Variants in CGN observed in about 807,000 individuals in gnomAD.
CGN encodes cingulin.
Under a neutral mutation model 157.1 loss-of-function variants are expected in CGN, and 121 were observed. The ratio of observed to expected loss-of-function variants is 0.77; its 90% CI spans 0.66 to 0.90. The LOEUF (loss-of-function observed/expected upper bound fraction) is 0.90, where lower values mean the gene tolerates loss of function less well. CGN is among the 40% of genes least tolerant of loss of function. The pLI is 0.00. For synonymous variants in CGN, 535 were observed against 607.5 expected (o/e 0.88, Z 1.76); for missense variants, 1,424 against 1,520.9 (o/e 0.94, Z 1.06).
intron 1 of CGN, among the ~76,000 whole-genome samples, chr1:151,513,904 G>A (rs760734020): frequency 1.3e-5 from 2 of 152,220 alleles, no homozygotes; most frequent in Non-Finnish European, 2.9e-5. Context: ...CCCTGGACAT[G>A]TGATAGGGGA....
At chr1:151,520,351 C>T in intron 3 of CGN, 63 bp from the exon 4 acceptor site, 1 of 1,564,284 alleles carries the variant, frequency 6.4e-7, no homozygotes, top group Non-Finnish European at 8.8e-7. Flanking sequence ...TGATTTTACC[C>T]TTTCCTGATC....
chr1:151,519,223 G>A lies in CGN; in HGVS notation c.704G>A (p.Trp235Ter), dbSNP rs1337378065. The A allele has an allele frequency of 6.2e-7, 1 of 1,614,074 alleles. No individual in the cohort carries two copies. Among genetic ancestry groups the A allele is most frequent in the Non-Finnish European group, 8.5e-7 (1 of 1,180,038 alleles). ...CGGGAGCGCCAGTCCACCAACCACT[G>A]GACCTCTAGCACAAAATATGACAAC... ...EERERQSTNHWTSSTKYDNHV... is the reference protein window; with the variant it reads ...EERERQSTNH Residue 235 changes from tryptophan to a stop codon, truncating the protein, a stop_gained, in exon 2 of 21, where the codon TGG (tryptophan) becomes TAG (stop). Coordinates refer to ENST00000271636, the MANE Select transcript of CGN (RefSeq NM_020770.3). LOFTEE classifies it high-confidence loss of function.
intron 10 of CGN, among the ~76,000 whole-genome samples, chr1:151,528,172 TGAAACATGGTTTCACC>T (rs1664740661): frequency 6.7e-6 from 1 of 148,376 alleles, no homozygotes; most frequent in Non-Finnish European, 1.5e-5. Flanking sequence ...TGTTTCACCG[TGAAACATGGTTTCACC>T]GTGTTAACCA....
intron 9 of CGN, among the ~76,000 whole-genome samples, chr1:151,526,391 G>A (rs1262029461): frequency 2.0e-5 from 3 of 151,828 alleles, no homozygotes; most frequent in Admixed American, 6.6e-5. Context: ...TGGCCAGGCT[G>A]GTCTTGAACT....
chr1:151,529,808 C>T, intron 11 of CGN, 101 bp from the exon 12 acceptor site: 2 of 1,155,994 alleles, frequency 1.7e-6, no homozygotes, highest in East Asian at 2.5e-5. Flanking sequence ...TATGGGCTGT[C>T]TTTGGGATGG....
At chr1:151,533,081 G>C (rs1664875266) in intron 14 of CGN, among the ~76,000 whole-genome samples, 1 of 152,124 alleles carries the variant, frequency 6.6e-6, no homozygotes. Flanking sequence ...CCCACACCCA[G>C]GCTGTATCCC....
chr1:151,520,105 G>A (rs919426160), intron 2 of CGN, 61 bp from the exon 3 acceptor site: 27 of 1,351,954 alleles, frequency 2.0e-5, no homozygotes, highest in African/African-American at 8.9e-5. Flanking sequence ...CATGCTTCTG[G>A]CCTAATCTTC....
At position 151,535,178 on chromosome 1, in the gene CGN, C is replaced by T. The variant is rs533294634; in HGVS notation, c.2994+47C>T. On this transcript the variant is annotated intron_variant, in intron 16 of 20. Transcript: ENST00000271636. ...CTCTGTTTACCCCTGACTGCATCAC[C>T]TCTTGGTTCTCTCAAAAACAACTCT... 137 of 1,403,028 alleles carry T rather than the reference C, an allele frequency of 9.8e-5. 3 individuals carry two copies. The South Asian group carries it at 1.5e-3, about 15-fold the overall frequency. The allele number at this position is 1,403,028 out of a possible 1,614,324, so 86.9% of individuals were successfully genotyped here. A position where few individuals can be genotyped will look rare whatever the true frequency, so the allele number is the denominator to read the frequency against.
chr1:151,520,197 A>T lies in CGN; in HGVS notation c.905A>T (p.Gln302Leu). 1.2e-6 allele frequency: 2 copies of T among 1,612,896 alleles called. No individual in the cohort carries two copies. Among genetic ancestry groups the T allele is most frequent in the South Asian group, 1.1e-5 (1 of 91,030 alleles). Reference sequence around the variant, plus strand: ...TCAACTCCAGACCTCCTTCGAGACCAGCAGGAGGCAGCCCCACCAGGCAGT... The same window carrying T: ...TCAACTCCAGACCTCCTTCGAGACCTGCAGGAGGCAGCCCCACCAGGCAGT... ...FKSTPDLLRD[Q>L]QEAAPPGSVD... Residue 302 changes from glutamine to leucine, a missense_variant, in exon 3 of 21, where the codon CAG (glutamine) becomes CTG (leucine). By Grantham distance (113) the Gln-to-Leu change is moderately radical. Transcript: ENST00000271636.
intron 8 of CGN, among the ~76,000 whole-genome samples, chr1:151,525,139 G>A (rs1664643108): frequency 6.6e-6 from 1 of 152,196 alleles, no homozygotes; most frequent in Non-Finnish European, 1.5e-5. Context: ...GCTCATGCAT[G>A]TAATCCCAGC....
intron 1 of CGN, among the ~76,000 whole-genome samples, chr1:151,512,349 T>C (rs1349107000): frequency 1.3e-5 from 2 of 152,202 alleles, no homozygotes; most frequent in Non-Finnish European, 2.9e-5. Flanking sequence ...ATATTTTTTC[T>C]GTGGTTCTAG....
At position 151,519,105 on chromosome 1, in the gene CGN, C is replaced by T. The variant is rs144617400; in HGVS notation, c.586C>T (p.Arg196Trp). The change falls in exon 2 of 21, where the codon CGG becomes TGG. Residue 196 changes from arginine to tryptophan, a missense_variant. Transcript: ENST00000271636. The part of the protein sequence containing the change: ...DSQLGGQARG[R>W]TGRRTRMLPP... ...TCAACTTGGAGGCCAGGCCCGGGGT[C>T]GGACTGGCCGCCGAACACGGATGCT... The T allele has an allele frequency of 4.4e-4, 716 of 1,614,028 alleles. No homozygotes were observed. The highest frequency in any genetic ancestry group is 5.4e-4 in the Non-Finnish European group (637 of 1,180,026).
At position 151,524,972 on chromosome 1, in the gene CGN, TG is replaced by T; in HGVS notation, c.1614+88del. The T allele has an allele frequency of 9.2e-7, 1 of 1,082,064 alleles. No homozygotes were observed. Among genetic ancestry groups the T allele is most frequent in the Non-Finnish European group, 1.4e-6 (1 of 738,858 alleles). The allele number at this position is 1,082,064 out of a possible 1,614,324, so 67.0% of individuals were successfully genotyped here. A position where few individuals can be genotyped will look rare whatever the true frequency, so the allele number is the denominator to read the frequency against. On this transcript the variant is annotated intron_variant, in intron 8 of 20. Coordinates refer to ENST00000271636, the MANE Select transcript of CGN (RefSeq NM_020770.3). The surrounding 1 kb of genome is among the most constrained non-coding windows in gnomAD (Gnocchi z 4.4). ...GGATCTTGGACTTTTGGACTTTTCA[TG>T]GTTGCAACTGGGAACTCCCCCTCTC... is the stretch of plus-strand genomic sequence containing the variant.
chr1:151,530,513 G>C lies in CGN; in HGVS notation c.2338G>C (p.Ala780Pro), dbSNP rs760532627. The change falls in exon 13 of 21, where the codon GCC becomes CCC. Residue 780 changes from alanine (A) to proline (P), a missense_variant. Ala to Pro is a conservative substitution (Grantham distance 27). Transcript: ENST00000271636. Reference protein sequence around the residue: ...LEAEKQQLEEALNASQEEEGS... With the variant: ...LEAEKQQLEEPLNASQEEEGS... ...GGCAGAGAAACAGCAGCTGGAGGAG[G>C]CCCTGAATGCGTCCCAGGAAGAGGA... The C allele has an allele frequency of 1.1e-5, 17 of 1,596,762 alleles. No homozygotes were observed. The highest frequency in any genetic ancestry group is 1.4e-5 in the Non-Finnish European group (17 of 1,175,718).
Position 151,534,201 on chromosome 1 carries a change from C to T in CGN, c.2904+65C>T, listed in dbSNP as rs115175639. 9.8e-4 allele frequency: 1,403 copies of T among 1,432,884 alleles called. 8 individuals carry two copies. In the African/African-American group the frequency reaches 0.018, roughly 19 times the overall value. 88.8% of individuals were successfully genotyped at this position (1,432,884 alleles called of 1,614,324 possible). The stretch of plus-strand genomic sequence containing the variant: ...ACTTCCAAGCCTCTTTCTGTACTAG[C>T]GGTCAAAACCGACAGCCCACAGTTG... On this transcript the variant is annotated intron_variant, in intron 15 of 20. Coordinates refer to ENST00000271636, the MANE Select transcript of CGN (RefSeq NM_020770.3).
rs1664776711 is a variant in CGN at position 151,529,455 on chromosome 1, G to A, written c.2002G>A (p.Val668Ile). The change falls in exon 11 of 21, where the codon GTC (valine) becomes ATC (isoleucine). Residue 668 changes from valine to isoleucine, a missense_variant. Coordinates refer to ENST00000271636, the MANE Select transcript of CGN (RefSeq NM_020770.3). ...CCGGGAGTTGGAGAAGCAGCTGGCG[G>A]TCCTGAGGGTCGAGGCTGATCGAGG... ...RDRELEKQLA[V>I]LRVEADRGRE... 1 of 1,613,928 alleles carries A rather than the reference G, an allele frequency of 6.2e-7. No individual in the cohort carries two copies. The highest frequency in any genetic ancestry group is 1.1e-5 in the South Asian group (1 of 91,062).
chr1:151,527,074 T>C lies in CGN; in HGVS notation c.1863T>C (p.Ala621=), dbSNP rs927071775. 15 of 1,614,054 alleles carry C rather than the reference T, an allele frequency of 9.3e-6. No individual in the cohort carries two copies. Among genetic ancestry groups the C allele is most frequent in the Non-Finnish European group, 1.2e-5 (14 of 1,180,044 alleles). ...AATTAGAGCAGGCCCGAGCTAGTGC[T>C]GGAGATACTCGCCAGGTTGAGGTGC... is the stretch of plus-strand genomic sequence containing the variant. ...QRELEQARAS[A]GDTRQVEVLK... Residue 621 remains alanine (A), a synonymous_variant, in exon 10 of 21, where the codon GCT becomes GCC. Transcript: ENST00000271636.
At chr1:151,529,842 C>A (rs1332002185) in intron 11 of CGN, 67 bp from the exon 12 acceptor site, 9 of 1,465,518 alleles carry the variant, frequency 6.1e-6, no homozygotes, top group Non-Finnish European at 8.4e-6. Flanking sequence ...GGTCAATGGC[C>A]CCAAGCCCTG....
In CGN at chr1:151,525,682, C is replaced by A; in HGVS notation, c.1655C>A (p.Ala552Asp). The A allele has an allele frequency of 5.0e-6, 8 of 1,610,580 alleles. No homozygotes were observed. Among genetic ancestry groups the A allele is most frequent in the Non-Finnish European group, 6.8e-6 (8 of 1,178,234 alleles). ...GAGGCCGAGAGGCAGAAGATGTCAG[C>A]CCTTGTGCGAGGGCTGCAGAGGGAG... ...VLEAERQKMS[A>D]LVRGLQRELE... is the part of the protein sequence containing the mutation. The change falls in exon 9 of 21, where the codon GCC (alanine) becomes GAC (aspartate). Residue 552 changes from alanine to aspartate, a missense_variant. Ala to Asp is a moderately radical substitution (Grantham distance 126, BLOSUM62 -2). This residue lies in a region of CGN where 1,187 missense variants were observed against 1,217.6 expected (regional missense o/e 0.97). Transcript: ENST00000271636.
Sources: gnomAD v4.1 joint callset for allele counts (sites outside exome capture counted in the v4.1 genomes callset) on GRCh38, gnomAD v4.1.1 for gene constraint, gnomAD v4.1.1 regional missense constraint, Gnocchi (gnomAD v3.1) non-coding constraint, MANE v1.5 for transcripts, NCBI Gene and HGNC (gene_info 2026-07-23, HGNC 2026-07-21) for gene names.